TRMT11: variants seen among roughly 807,000 people sequenced by gnomAD.
TRMT11 encodes the protein tRNA (guanine(10)-N(2))-methyltransferase TRMT11.
TRMT11 carries 53 observed loss-of-function variants against 62.8 expected under a neutral mutation model. The observed-to-expected ratio is 0.84, with a 90% CI of 0.68 to 1.06. TRMT11 has a LOEUF of 1.06. TRMT11 is among the 50% of genes least tolerant of loss of function. The pLI is 0.00. For synonymous variants in TRMT11, 188 were observed against 190.3 expected (o/e 0.99, Z 0.10); for missense variants, 556 against 553.4 (o/e 1.00, Z -0.05).
intron 17 of TRMT11, among the ~76,000 whole-genome samples, chr6:126,110,278 A>T (rs746979123): frequency 6.6e-6 from 1 of 152,146 alleles, no homozygotes; most frequent in African/African-American, 2.4e-5. Flanking sequence ...GTGCTGAGAA[A>T]CACATAGGAT....
chr6:126,178,863 T>C (rs891042688), intron 1 of TRMT11, among the ~76,000 whole-genome samples: 1 of 152,158 alleles, frequency 6.6e-6, no homozygotes, highest in Non-Finnish European at 1.5e-5. Context: ...TCTAGGTTTT[T>C]AGTCTGGAAT....
At position 126,093,619 on chromosome 6, in the gene TRMT11, A is replaced by T. The variant is rs1289217143; in HGVS notation, c.*1438-19247A>T. On this transcript the variant is annotated intron_variant and NMD_transcript_variant, in intron 17 of 22. Coordinates refer to the TRMT11 transcript ENST00000648977. ...TATATATATATATATATATATATAT[A>T]TATATATATATATTTTCCCCCAGTC... Among the ~76,000 whole-genome samples the T allele has an allele frequency of 5.1e-3, 449 of 88,358 alleles. 15 individuals are homozygous for T. Among genetic ancestry groups the T allele is most frequent in the African/African-American group, 0.038 (365 of 9,684 alleles). 58.0% of individuals were successfully genotyped at this position (88,358 alleles called of 152,430 possible).
chr6:126,170,188 GT>G (rs1373984880), intron 21 of TRMT11, among the ~76,000 whole-genome samples: 3 of 151,574 alleles, frequency 2.0e-5, no homozygotes, highest in African/African-American at 7.3e-5. Context: ...CCTTTTTCAT[GT>G]GCTATTATAC....
intron 21 of TRMT11, among the ~76,000 whole-genome samples, chr6:126,128,700 A>G (rs1422729189): frequency 6.6e-6 from 1 of 152,094 alleles, no homozygotes; most frequent in Non-Finnish European, 1.5e-5. Flanking sequence ...AAATCATTTC[A>G]AATCACAAAT....
At chr6:126,084,114 T>C (rs960740377) in intron 17 of TRMT11, among the ~76,000 whole-genome samples, 39 of 152,272 alleles carry the variant, frequency 2.6e-4, no homozygotes, top group African/African-American at 9.4e-4. Flanking sequence ...GCCTAGAAAA[T>C]AGATTGCTGG....
intron 21 of TRMT11, among the ~76,000 whole-genome samples, chr6:126,129,442 A>G (rs1217276456): frequency 6.6e-6 from 1 of 152,140 alleles, no homozygotes; most frequent in East Asian, 1.9e-4. Context: ...AAAATTACAA[A>G]CCAACCCCTC....
At chr6:126,174,110 C>T (rs1778358971), upstream of TRMT11, among the ~76,000 whole-genome samples, 1 of 152,160 alleles carries the variant, frequency 6.6e-6, no homozygotes, top group South Asian at 2.1e-4. Context: ...ATGTTCCTTC[C>T]TCACCTTTCT....
In TRMT11 at chr6:126,027,277, C is replaced by T. The variant is rs77160805; in HGVS notation, c.1260+5997C>T. 2.4e-3 allele frequency among the ~76,000 whole-genome samples: 372 copies of T among 152,262 alleles called. 3 individuals are homozygous for T. Among genetic ancestry groups the T allele is most frequent in the African/African-American group, 8.5e-3 (352 of 41,550 alleles). On this transcript the variant is annotated intron_variant, in intron 12 of 12. Transcript: ENST00000334379. ...ACAACAGACTGAGGTATAATAGTTA[C>T]GTTTTCAATGACGGTCACCTGAAGC...
chr6:126,129,906 G>A (rs7763129), intron 21 of TRMT11, among the ~76,000 whole-genome samples: 27,545 of 151,966 alleles, frequency 0.18, 2,601 homozygotes, highest in South Asian at 0.22. Flanking sequence ...CTGGCTCACT[G>A]TCCTGTGTTG....
At chr6:126,003,345 G>A (rs1261929127) in intron 7 of TRMT11, among the ~76,000 whole-genome samples, 1 of 151,950 alleles carries the variant, frequency 6.6e-6, no homozygotes, top group East Asian at 1.9e-4. Context: ...ATTCTTCTTC[G>A]AATGTGGCCC....
intron 17 of TRMT11, among the ~76,000 whole-genome samples, chr6:126,102,755 A>C (rs997167813): frequency 6.6e-6 from 1 of 152,094 alleles, no homozygotes; most frequent in Non-Finnish European, 1.5e-5. Flanking sequence ...CTCTTCTAGT[A>C]AGTATAAAAA....
chr6:126,169,263 A>G (rs1222468376), intron 21 of TRMT11, among the ~76,000 whole-genome samples: 1 of 152,220 alleles, frequency 6.6e-6, no homozygotes, highest in Non-Finnish European at 1.5e-5. Context: ...CGTTTGGTCT[A>G]TAGGAAAGAA....
At chr6:126,251,560 TCTC>T in the TRMT11 span, among the ~76,000 whole-genome samples, 1 of 152,108 alleles carries the variant, frequency 6.6e-6, no homozygotes, top group African/African-American at 2.4e-5. Flanking sequence ...GTACAACATA[TCTC>T]CTCAACTCAT....
rs554311096 is a variant in TRMT11, at chr6:126,094,134, CT to C, written c.*1438-18730del. Among the ~76,000 whole-genome samples, 232 of 152,084 alleles carry C rather than the reference CT, an allele frequency of 1.5e-3. 1 individual carries two copies. Among genetic ancestry groups the C allele is most frequent in the African/African-American group, 5.4e-3 (223 of 41,502 alleles). On this transcript the variant is annotated intron_variant and NMD_transcript_variant, in intron 17 of 22. Coordinates refer to the TRMT11 transcript ENST00000648977. ...ACACACACCCCAAACTTAGACCCATCTTATTGCTGTTGGCTCTGACTCCTCT... is the reference window on the plus strand; with the variant it reads ...ACACACACCCCAAACTTAGACCCATCTATTGCTGTTGGCTCTGACTCCTCT...
At chr6:126,157,092 C>CA (rs1778130798) in intron 21 of TRMT11, among the ~76,000 whole-genome samples, 1 of 152,144 alleles carries the variant, frequency 6.6e-6, no homozygotes, top group South Asian at 2.1e-4. Flanking sequence ...CAGATGCCCC[C>CA]AAACCTACAT....
chr6:126,195,020 G>A (rs536105570), intron 1 of TRMT11, among the ~76,000 whole-genome samples: 4 of 152,172 alleles, frequency 2.6e-5, no homozygotes, highest in South Asian at 4.1e-4. Flanking sequence ...GGAGGCTGAC[G>A]CAGGAGGATT....
chr6:126,238,997 T>C, the TRMT11 span, among the ~76,000 whole-genome samples: 1 of 152,206 alleles, frequency 6.6e-6, no homozygotes, highest in Non-Finnish European at 1.5e-5. Flanking sequence ...TCTTTGTTGG[T>C]TTAAAGTCTG....
At chr6:126,171,096 A>G (rs72977824) in intron 21 of TRMT11, among the ~76,000 whole-genome samples, 4,164 of 152,252 alleles carry the variant, frequency 0.027, 114 homozygotes, top group African/African-American at 0.069. Context: ...GTAAGTAATT[A>G]CTATGGAAAG....
At chr6:126,215,896 T>C in the TRMT11 span, among the ~76,000 whole-genome samples, 1 of 152,110 alleles carries the variant, frequency 6.6e-6, no homozygotes, top group Non-Finnish European at 1.5e-5. Context: ...ATCTCCCTAC[T>C]TTTCAACTTT....
Sources: gnomAD v4.1 joint callset for allele counts (sites outside exome capture counted in the v4.1 genomes callset) on GRCh38, gnomAD v4.1.1 for gene constraint, MANE v1.5 for transcripts, NCBI Gene and HGNC (gene_info 2026-07-23, HGNC 2026-07-21) for gene names.